Variants in MKNK1 observed in about 807,000 individuals in gnomAD.
MKNK1 encodes MAPK interacting serine/threonine kinase 1, also known as MAP kinase-interacting serine/threonine-protein kinase 1.
In MKNK1, 30 loss-of-function variants were observed where a neutral mutation model predicts 49.3. That is an observed-to-expected ratio of 0.61 (90% CI 0.46 to 0.83). MKNK1 has a LOEUF of 0.83. Ranked by LOEUF, MKNK1 falls within the 40% of genes least tolerant of loss-of-function variation. The probability of loss-of-function intolerance (pLI) is 0.00; values close to 1 mark genes in which losing one functional copy is unlikely to be tolerated. For synonymous variants in MKNK1, 176 were observed against 201.7 expected (o/e 0.87, Z 1.08); for missense variants, 423 against 524.7 (o/e 0.81, Z 1.89).
chr1:46,593,104 G>C (rs1465261515), intron 2 of MKNK1, among the ~76,000 whole-genome samples: 1 of 152,124 alleles, frequency 6.6e-6, no homozygotes, highest in Non-Finnish European at 1.5e-5. Context: ...TCCCAGGCAT[G>C]ACAAAACCTC....
chr1:46,598,701 T>TA (rs1235573821), intron 1 of MKNK1, among the ~76,000 whole-genome samples: 4 of 152,132 alleles, frequency 2.6e-5, no homozygotes, highest in Non-Finnish European at 4.4e-5. Context: ...TCAGGAAGAT[T>TA]AAATAACTTG....
chr1:46,575,047 G>A, intron 5 of MKNK1, 27 bp from the exon 6 acceptor site: 1 of 1,389,110 alleles, frequency 7.2e-7, no homozygotes, highest in Non-Finnish European at 1.0e-6. Context: ...AGGAGGAGAG[G>A]GAAAAGGGGG....
chr1:46,582,101 G>A (rs1241760511), intron 3 of MKNK1, among the ~76,000 whole-genome samples: 1 of 152,176 alleles, frequency 6.6e-6, no homozygotes, highest in East Asian at 1.9e-4. Context: ...GTACTCTCTT[G>A]TGTTAACTGA....
rs1473527047 is a variant in MKNK1, at chr1:46,565,157, C to G, written c.514-21G>C. ...GACACCTGAAAAGGAAAACAGAAGA[C>G]AGGGTCACAGATATAAGAAACTACG... On this transcript the variant is annotated intron_variant, in intron 8 of 12. Transcript: ENST00000371945. 5 of 1,609,130 alleles carry G rather than the reference C, an allele frequency of 3.1e-6. No individual in the cohort carries two copies. The South Asian group carries it at 5.5e-5, about 18-fold the overall frequency.
intron 8 of MKNK1, 103 bp from the exon 9 acceptor site, chr1:46,565,239 G>T: frequency 9.5e-7 from 1 of 1,051,768 alleles, no homozygotes; most frequent in Non-Finnish European, 1.5e-6. Context: ...CTGTCACACC[G>T]CAGCTGGTTT....
chr1:46,574,889 G>C (rs755319980), intron 6 of MKNK1, 58 bp downstream of exon 6: 1 of 1,184,232 alleles, frequency 8.4e-7, no homozygotes, highest in East Asian at 2.4e-5. Context: ...ATTCATGATG[G>C]ATGATCACCA....
At chr1:46,568,629 C>T (rs1169857701) in intron 7 of MKNK1, 131 bp from the exon 8 acceptor site, 7 of 874,558 alleles carry the variant, frequency 8.0e-6, no homozygotes, top group Admixed American at 2.2e-5. Context: ...AAAAAATCAA[C>T]GAGCTGCAGG....
rs762936186 is a variant in MKNK1 at position 46,572,067 on chromosome 1, G to A, written c.453C>T (p.Thr151=). The change falls in exon 7 of 13, where the codon ACC becomes ACT. Residue 151 remains threonine (T), a synonymous_variant. Coordinates refer to ENST00000371945, the MANE Select transcript of MKNK1 (RefSeq NM_001135553.4). ...CAAGGCAAAGGCTGGGTTCACCTTT[G>A]GTATGCAGGAAGTCAAGGGCAGCAG... The part of the protein sequence containing the change: ...DVAAALDFLH[T]KGIAHRDLKP... 1.2e-6 allele frequency: 2 copies of A among 1,613,920 alleles called. No homozygotes were observed. The highest frequency in any genetic ancestry group is 2.2e-5 in the South Asian group (2 of 91,068).
At chr1:46,564,988 C>T in intron 9 of MKNK1, 53 bp downstream of exon 9, 1 of 1,559,166 alleles carries the variant, frequency 6.4e-7, no homozygotes, top group Admixed American at 1.7e-5. Context: ...CCTCCCAGCT[C>T]TGGATCAGGG....
chr1:46,578,911 C>G (rs544998743), intron 4 of MKNK1, among the ~76,000 whole-genome samples: 11 of 152,050 alleles, frequency 7.2e-5, no homozygotes, highest in African/African-American at 2.4e-4. Flanking sequence ...ATGCACCACA[C>G]CCGGCTAATA....
At position 46,564,466 on chromosome 1, in the gene MKNK1, G is replaced by GTTTTTT. The variant is rs568296534; in HGVS notation, c.609+569_609+574dup. Among the ~76,000 whole-genome samples, 469 of 70,142 alleles carry GTTTTTT rather than the reference G, an allele frequency of 6.7e-3. 111 individuals are homozygous for GTTTTTT. Among genetic ancestry groups the GTTTTTT allele is most frequent in the African/African-American group, 0.024 (349 of 14,652 alleles). 46.0% of individuals were successfully genotyped at this position (70,142 alleles called of 152,430 possible). A position where few individuals can be genotyped will look rare whatever the true frequency, so the allele number is the denominator to read the frequency against. On this transcript the variant is annotated intron_variant, in intron 9 of 12. Coordinates refer to ENST00000371945, the MANE Select transcript of MKNK1 (RefSeq NM_001135553.4). The stretch of plus-strand genomic sequence containing the variant: ...GGGCTCAGCCTGTGTTTTTTTTATT[G>GTTTTTT]TTTTTTTTTTTTTTTTTTTTTTTTT...
Position 46,563,056 on chromosome 1 carries a change from G to C in MKNK1, c.610-213C>G, listed in dbSNP as rs17102283. On this transcript the variant is annotated intron_variant, in intron 9 of 12. Transcript: ENST00000371945. ...TCATTTTCCATCATCCAGAGGAGCA[G>C]TTCAGGTCACCTTATCCTTCCAGTT... The C allele has an allele frequency of 4.4e-3, 2,283 of 516,812 alleles. 46 individuals are homozygous for C. Among genetic ancestry groups the C allele is most frequent in the African/African-American group, 0.041 (2,058 of 50,630 alleles). 32.0% of individuals were successfully genotyped at this position (516,812 alleles called of 1,614,324 possible). A position where few individuals can be genotyped will look rare whatever the true frequency, so the allele number is the denominator to read the frequency against.
In MKNK1 at chr1:46,567,063, T is replaced by C. The variant is rs547359140; in HGVS notation, c.513+1380A>G. Among the ~76,000 whole-genome samples the C allele has an allele frequency of 2.6e-5, 4 of 152,202 alleles. No homozygotes were observed. The South Asian group carries it at 8.3e-4, about 32-fold the overall frequency. On this transcript the variant is annotated intron_variant, in intron 8 of 12. Transcript: ENST00000371945. ...CTCAAGCAATTCTCCTACCTCAGCCTCCTGAGTAGCTGGGACTACAGGCAT... is the reference window on the plus strand; with the variant it reads ...CTCAAGCAATTCTCCTACCTCAGCCCCCTGAGTAGCTGGGACTACAGGCAT...
intron 9 of MKNK1, chr1:46,563,119 C>T (rs571725095): frequency 2.5e-6 from 1 of 394,704 alleles, no homozygotes; most frequent in South Asian, 5.7e-5. Context: ...CCAAGAAGTT[C>T]CAGGAATCTC....
intron 2 of MKNK1, among the ~76,000 whole-genome samples, chr1:46,591,250 C>T (rs914125638): frequency 8.5e-5 from 13 of 152,278 alleles, no homozygotes; most frequent in African/African-American, 3.1e-4. Context: ...TATTCTTTCC[C>T]CAAGAGTCTG....
intron 8 of MKNK1, among the ~76,000 whole-genome samples, chr1:46,566,943 T>C (rs913836175): frequency 1.3e-5 from 2 of 152,236 alleles, no homozygotes; most frequent in African/African-American, 4.8e-5. Context: ...GTCTTTTCAC[T>C]TTCTTGATAG....
At chr1:46,582,978 C>A in intron 3 of MKNK1, 1 of 645,830 alleles carries the variant, frequency 1.5e-6, no homozygotes, top group East Asian at 3.2e-5. Flanking sequence ...TTCCTGCTCC[C>A]TGAAAAGGAA....
Position 46,572,133 on chromosome 1 carries a change from G to C in MKNK1, c.387C>G (p.His129Gln), listed in dbSNP as rs776012157. 1 of 1,614,144 alleles carries C rather than the reference G, an allele frequency of 6.2e-7. No homozygotes were observed. Among genetic ancestry groups the C allele is most frequent in the East Asian group, 2.2e-5 (1 of 44,886 alleles). ...CTCGGCTGGCTTCTCGCTCATTGAA[G>C]TGCTTTTGCTTCTGGATGTGGGCTA... ...SILAHIQKQK[H>Q]FNEREASRVV... is the part of the protein sequence containing the mutation. The change falls in exon 7 of 13, where the codon CAC (histidine) becomes CAG (glutamine). Residue 129 changes from histidine to glutamine, a missense_variant. Physicochemically the swap from His to Gln is conservative, Grantham distance 24. Coordinates refer to ENST00000371945, the MANE Select transcript of MKNK1 (RefSeq NM_001135553.4).
At chr1:46,594,633 A>G (rs1481779354) in intron 1 of MKNK1, among the ~76,000 whole-genome samples, 4 of 152,178 alleles carry the variant, frequency 2.6e-5, no homozygotes, top group Non-Finnish European at 5.9e-5. Context: ...TCCAGACCCA[A>G]AAAGATGTAA....
Sources: allele counts gnomAD v4.1 joint callset (sites outside exome capture counted in the v4.1 genomes callset), GRCh38; gene constraint gnomAD v4.1.1; transcripts MANE v1.5; gene names NCBI Gene and HGNC (gene_info 2026-07-23, HGNC 2026-07-21).